The following PYY variants were observed in gnomAD, a reference collection of about 807,000 sequenced individuals.
PYY encodes peptide YY.
In PYY, 12 loss-of-function variants were observed where a neutral mutation model predicts 10.3. That is an observed-to-expected ratio of 1.17 (90% CI 0.75 to 1.89). The LOEUF is 1.89. Ranked by LOEUF, PYY falls within the 40% of genes most tolerant of loss-of-function variation. PYY has a pLI of 0.00. For synonymous variants in PYY, 66 were observed against 62.0 expected, an observed-to-expected ratio of 1.06 and a Z score of -0.30; for missense variants, 141 against 134.0, an observed-to-expected ratio of 1.05 and a Z score of -0.26.
intron 1 of PYY, among the ~76,000 whole-genome samples, chr17:43,993,540 C>A (rs1474751165): frequency 2.0e-5 from 3 of 150,860 alleles, no homozygotes; most frequent in Non-Finnish European, 4.4e-5. Context: ...GCAGAAGGAT[C>A]ATTTGAGCCT....
At chr17:43,954,473 C>T (rs759719954), upstream of PYY, among the ~76,000 whole-genome samples, 1 of 152,166 alleles carries the variant, frequency 6.6e-6, no homozygotes, top group African/African-American at 2.4e-5. Flanking sequence ...GGTGGGAGCA[C>T]CTGACCTTGG....
At chr17:43,970,297 CAGG>C (rs2048783364) in intron 1 of PYY, among the ~76,000 whole-genome samples, 1 of 150,248 alleles carries the variant, frequency 6.7e-6, no homozygotes, top group Non-Finnish European at 1.5e-5. Flanking sequence ...CATTTGAGGC[CAGG>C]AGTTCAAGAT....
chr17:43,978,943 G>C (rs1325825944), intron 1 of PYY, among the ~76,000 whole-genome samples: 1 of 152,170 alleles, frequency 6.6e-6, no homozygotes, highest in Non-Finnish European at 1.5e-5. Flanking sequence ...ATCCATAAAG[G>C]TCTGTTTTTC....
At chr17:43,955,313 G>A (rs1192639920), upstream of PYY, among the ~76,000 whole-genome samples, 6 of 152,182 alleles carry the variant, frequency 3.9e-5, no homozygotes, top group Non-Finnish European at 7.3e-5. Context: ...GGGACTGATG[G>A]GGCCAACTTG....
upstream of PYY, among the ~76,000 whole-genome samples, chr17:43,954,183 C>A (rs1014974784): frequency 3.3e-5 from 5 of 152,172 alleles, no homozygotes; most frequent in Admixed American, 3.3e-4. Flanking sequence ...CATGTTCACC[C>A]CACAGCCCCC....
chr17:43,963,624 AAGAGAAAG>A (rs1468714886), intron 2 of PYY, among the ~76,000 whole-genome samples: 2 of 55,400 alleles, frequency 3.6e-5, no homozygotes, highest in South Asian at 7.0e-4. Flanking sequence ...GAAAGAAAGA[AAGAGAAAG>A]AAAGAAAAGA....
intron 1 of PYY, among the ~76,000 whole-genome samples, chr17:43,966,701 A>G (rs1309265887): frequency 2.0e-5 from 3 of 152,134 alleles, no homozygotes; most frequent in Non-Finnish European, 4.4e-5. Context: ...CTAGCATTCT[A>G]TGTAATTGAC....
intron 1 of PYY, among the ~76,000 whole-genome samples, chr17:44,001,736 G>A (rs960919085): frequency 3.7e-5 from 5 of 136,538 alleles, no homozygotes; most frequent in Non-Finnish European, 7.8e-5. Context: ...AGTCAGCAGG[G>A]ACTGAATTGG....
At chr17:43,983,295 G>C (rs936878484) in intron 1 of PYY, among the ~76,000 whole-genome samples, 2 of 152,168 alleles carry the variant, frequency 1.3e-5, no homozygotes, top group African/African-American at 4.8e-5. Context: ...AGGAGACAGG[G>C]ACAAGGAGGG....
chr17:43,999,699 C>A (rs1357869409), intron 1 of PYY, among the ~76,000 whole-genome samples: 1 of 150,170 alleles, frequency 6.7e-6, no homozygotes, highest in African/African-American at 2.5e-5. Context: ...ACCCAGGAGG[C>A]AGAGGTTGCA....
Position 43,952,801 on chromosome 17 carries a change from G to C in PYY, c.*155C>G, listed in dbSNP as rs2048639518. The C allele has an allele frequency of 1.3e-6, 1 of 764,362 alleles. No homozygotes were observed. Among genetic ancestry groups the C allele is most frequent in the Non-Finnish European group, 2.1e-6 (1 of 487,150 alleles). 47.3% of individuals were successfully genotyped at this position (764,362 alleles called of 1,614,324 possible). On this transcript the variant is annotated 3_prime_UTR_variant, in exon 4 of 4. Coordinates refer to ENST00000692052, the MANE Select transcript of PYY (RefSeq NM_001394028.1). ...GGACCACACACAGCCCTCCAGCCCA[G>C]GGGGCGGGGGCACCGAGACGCGGGC...
At chr17:43,981,742 C>T (rs2048885203) in intron 1 of PYY, among the ~76,000 whole-genome samples, 1 of 152,186 alleles carries the variant, frequency 6.6e-6, no homozygotes, top group South Asian at 2.1e-4. Context: ...CCCACCTCGG[C>T]CTCCGAAAGT....
At chr17:43,986,528 A>C (rs2048917070) in intron 1 of PYY, among the ~76,000 whole-genome samples, 1 of 152,222 alleles carries the variant, frequency 6.6e-6, no homozygotes. Context: ...GGCACCAGAC[A>C]AGCCTGAACT....
intron 1 of PYY, among the ~76,000 whole-genome samples, chr17:43,976,228 T>TATAC (rs1567932152): frequency 3.5e-5 from 5 of 143,932 alleles, no homozygotes; most frequent in Non-Finnish European, 7.5e-5. Flanking sequence ...TATACATATA[T>TATAC]ACATATGCGT....
chr17:43,966,861 C>T (rs762092449), intron 1 of PYY, among the ~76,000 whole-genome samples: 3 of 152,160 alleles, frequency 2.0e-5, no homozygotes, highest in African/African-American at 4.8e-5. Context: ...TGAATGGATC[C>T]ACATCCTCAC....
intron 1 of PYY, among the ~76,000 whole-genome samples, chr17:43,990,279 A>G (rs1421542624): frequency 3.3e-5 from 5 of 151,846 alleles, no homozygotes; most frequent in Non-Finnish European, 5.9e-5. Context: ...CTCTACTAAA[A>G]ATACAAAAAA....
rs112946248 is a variant in PYY, at chr17:43,983,594, A to G, written c.-462-17062T>C. 2.4e-3 allele frequency among the ~76,000 whole-genome samples: 368 copies of G among 152,232 alleles called. 2 individuals carry two copies. Among genetic ancestry groups the G allele is most frequent in the African/African-American group, 8.3e-3 (344 of 41,554 alleles). Reference sequence around the variant, plus strand: ...CCATGCCCTGGGGGCTCCCTCAAGGACCCCAAGCACACGTGTCATAGGCAT... The same window carrying G: ...CCATGCCCTGGGGGCTCCCTCAAGGGCCCCAAGCACACGTGTCATAGGCAT... On this transcript the variant is annotated intron_variant, in intron 1 of 6. Transcript: ENST00000360085.
At chr17:43,963,006 A>G (rs12945482) in intron 2 of PYY, among the ~76,000 whole-genome samples, 2,297 of 152,286 alleles carry the variant, frequency 0.015, 58 homozygotes, top group African/African-American at 0.053. Context: ...CCAGATAAAA[A>G]GGGGAGAGAG....
intron 1 of PYY, among the ~76,000 whole-genome samples, chr17:43,967,669 C>T (rs2048763594): frequency 6.6e-6 from 1 of 152,192 alleles, no homozygotes; most frequent in South Asian, 2.1e-4. Flanking sequence ...TAAGCAGCCT[C>T]CACCCTGTCT....
Sources: allele counts gnomAD v4.1 joint callset (sites outside exome capture counted in the v4.1 genomes callset), GRCh38; gene constraint gnomAD v4.1.1; transcripts MANE v1.5; gene names NCBI Gene and HGNC (gene_info 2026-07-23, HGNC 2026-07-21).